The following ANK2 variants were observed in gnomAD, a reference collection of about 807,000 sequenced individuals.
The protein encoded by ANK2 is ankyrin-2.
ANK2 carries 83 observed loss-of-function variants against 360.5 expected under a neutral mutation model. The ratio of observed to expected loss-of-function variants is 0.23; its 90% CI spans 0.19 to 0.28. The LOEUF is 0.28. Among genes scored for constraint, ANK2 ranks in the 10% least tolerant of loss-of-function variants. The probability of loss-of-function intolerance (pLI) is 1.00; values close to 1 mark genes in which losing one functional copy is unlikely to be tolerated. For missense variants in ANK2, 4,201 were observed against 4,795.7 expected (o/e 0.88, Z 3.66); for synonymous variants, 1,740 against 1,759.5 (o/e 0.99, Z 0.28).
Position 113,025,011 on chromosome 4 carries a change from T to C in ANK2, c.21+120497T>C, listed in dbSNP as rs1273616708. Among the ~76,000 whole-genome samples, 11 of 152,160 alleles carry C rather than the reference T, an allele frequency of 7.2e-5. No individual in the cohort carries two copies. The East Asian group carries it at 2.1e-3, about 29-fold the overall frequency. ...TTGTAGGATACCATTGATTCATTAC[T>C]CTAGGAGTTTTCTTTTCCACTACAA... On this transcript the variant is annotated intron_variant, in intron 2 of 30. Transcript: ENST00000503271.
chr4:112,867,018 GCT>G (rs1236193517), intron 1 of ANK2, among the ~76,000 whole-genome samples: 1 of 151,944 alleles, frequency 6.6e-6, no homozygotes, highest in African/African-American at 2.4e-5. Context: ...CTCATGCAGT[GCT>G]CTGTTTCTAG....
chr4:112,723,818 T>C, the ANK2 span, among the ~76,000 whole-genome samples: 1 of 152,114 alleles, frequency 6.6e-6, no homozygotes, highest in Admixed American at 6.6e-5. Context: ...AACAAACAAA[T>C]ATGGTTCTTG....
chr4:113,358,747 C>A lies in ANK2; in HGVS notation c.10129C>A (p.Gln3377Lys). ...CCAGAAGACAGTGGCTCCTCAGGGACAGGACATGGCAAGCATCGCACCAGA... is the reference window on the plus strand; with the variant it reads ...CCAGAAGACAGTGGCTCCTCAGGGAAAGGACATGGCAAGCATCGCACCAGA... ...SVQKTVAPQG[Q>K]DMASIAPDNR... The change falls in exon 38 of 46, where the codon CAG (glutamine) becomes AAG (lysine). Residue 3377 changes from glutamine (Q) to lysine (K), a missense_variant. Gln to Lys is a moderately conservative substitution (Grantham distance 53). This residue lies in a region of ANK2 where 2,642 missense variants were observed against 2,714.5 expected (regional missense o/e 0.97). Coordinates refer to ENST00000357077, the MANE Select transcript of ANK2 (RefSeq NM_001148.6). The A allele has an allele frequency of 6.2e-7, 1 of 1,614,102 alleles. No homozygotes were observed. The highest frequency in any genetic ancestry group is 8.5e-7 in the Non-Finnish European group (1 of 1,179,960).
At chr4:112,923,374 G>A (rs983785357) in intron 2 of ANK2, among the ~76,000 whole-genome samples, 2 of 151,618 alleles carry the variant, frequency 1.3e-5, no homozygotes, top group Admixed American at 6.6e-5. Context: ...TAACTAAAAT[G>A]TTAAGCTCTA....
At chr4:112,783,717 T>C in the ANK2 span, among the ~76,000 whole-genome samples, 1 of 151,780 alleles carries the variant, frequency 6.6e-6, no homozygotes, top group African/African-American at 2.4e-5. Flanking sequence ...AGTGGCGCGA[T>C]CGGCTCACTG....
At chr4:112,766,288 T>C in the ANK2 span, among the ~76,000 whole-genome samples, 1 of 151,060 alleles carries the variant, frequency 6.6e-6, no homozygotes, top group Admixed American at 6.6e-5. Context: ...ACCACTGCAC[T>C]CCAGCCTGGC....
chr4:112,813,748 C>T (rs2055460619), upstream of ANK2, among the ~76,000 whole-genome samples: 2 of 152,140 alleles, frequency 1.3e-5, no homozygotes, highest in Non-Finnish European at 2.9e-5. Context: ...GTTGCCTAGG[C>T]TGGTCTCAAA....
intron 1 of ANK2, chr4:112,826,513 C>G (rs2058437830): frequency 8.1e-7 from 1 of 1,231,546 alleles, no homozygotes; most frequent in Non-Finnish European, 1.2e-6. Flanking sequence ...TCTGACAAGC[C>G]TGTTATTGGC....
At chr4:112,913,134 T>C (rs2088322516) in intron 2 of ANK2, among the ~76,000 whole-genome samples, 1 of 152,178 alleles carries the variant, frequency 6.6e-6, no homozygotes, top group African/African-American at 2.4e-5. Flanking sequence ...TTCATATCTA[T>C]TGTTGCTAGG....
rs1027649440 is a variant in ANK2, at chr4:113,151,282, C to G, written c.85-23134C>G. The G allele has an allele frequency of 3.7e-5, 18 of 487,830 alleles. 1 individual carries two copies. The South Asian group carries it at 3.8e-4, about 10-fold the overall frequency. The allele number at this position is 487,830 out of a possible 1,614,324, so 30.2% of individuals were successfully genotyped here. A position where few individuals can be genotyped will look rare whatever the true frequency, so the allele number is the denominator to read the frequency against. On this transcript the variant is annotated intron_variant, in intron 1 of 45. Transcript: ENST00000357077. ...ATTTGTGTAGCTACAAAAGAATACC[C>G]GAAGCTGGGTAATTTATAAAGAAAA... is the stretch of plus-strand genomic sequence containing the variant.
the ANK2 span, among the ~76,000 whole-genome samples, chr4:112,778,844 C>T: frequency 4.6e-5 from 7 of 152,154 alleles, no homozygotes; most frequent in African/African-American, 7.2e-5. Flanking sequence ...TGGGGGAAAT[C>T]GAATGTGTAA....
At chr4:113,251,626 G>T (rs1346647904) in intron 10 of ANK2, among the ~76,000 whole-genome samples, 2 of 151,664 alleles carry the variant, frequency 1.3e-5, no homozygotes, top group Non-Finnish European at 2.9e-5. Context: ...GGAACTACAG[G>T]CGCCCACCAC....
At chr4:113,229,573 G>T (rs151045104) in intron 4 of ANK2, among the ~76,000 whole-genome samples, 1 of 152,286 alleles carries the variant, frequency 6.6e-6, no homozygotes, top group Non-Finnish European at 1.5e-5. Flanking sequence ...CTCCCAAAGG[G>T]TGTGCCTACC....
intron 2 of ANK2, among the ~76,000 whole-genome samples, chr4:112,987,666 G>A (rs2045393113): frequency 6.6e-6 from 1 of 151,888 alleles, no homozygotes; most frequent in Non-Finnish European, 1.5e-5. Context: ...TAATTCAGGA[G>A]TATTTTTTCC....
At chr4:112,901,674 A>G (rs982253773) in intron 1 of ANK2, among the ~76,000 whole-genome samples, 4 of 152,036 alleles carry the variant, frequency 2.6e-5, no homozygotes, top group Non-Finnish European at 5.9e-5. Context: ...CAGCCTGACC[A>G]ACATGGTGAA....
rs2065883334 is a variant in ANK2, at chr4:113,357,200, T to C, written c.8582T>C (p.Leu2861Ser). Residue 2861 changes from leucine to serine, a missense_variant, in exon 38 of 46, where the codon TTA becomes TCA. Around this residue, in one of 4 missense-constraint regions of ANK2, gnomAD observed 2,642 missense variants for 2,714.5 expected, o/e 0.97. Transcript: ENST00000357077. ...PHCLVSEGKE[L>S]DEDISATSSI... ...TGTTTGGTATCTGAAGGAAAAGAAT[T>C]AGATGAAGACATATCTGCCACATCT... 1 of 1,613,984 alleles carries C rather than the reference T, an allele frequency of 6.2e-7. No individual in the cohort carries two copies. Among genetic ancestry groups the C allele is most frequent in the Admixed American group, 1.7e-5 (1 of 59,994 alleles).
chr4:113,040,195 G>A (rs1422434459), intron 2 of ANK2, among the ~76,000 whole-genome samples: 2 of 151,906 alleles, frequency 1.3e-5, no homozygotes, highest in African/African-American at 4.8e-5. Flanking sequence ...TGACCTAGCC[G>A]GGAGCATGTA....
chr4:113,146,845 T>A (rs1015986135), intron 1 of ANK2, among the ~76,000 whole-genome samples: 2 of 152,206 alleles, frequency 1.3e-5, no homozygotes, highest in African/African-American at 4.8e-5. Context: ...ACTATGAAAC[T>A]AAGATATGTA....
At chr4:112,808,555 G>A in the ANK2 span, among the ~76,000 whole-genome samples, 1 of 152,200 alleles carries the variant, frequency 6.6e-6, no homozygotes, top group Non-Finnish European at 1.5e-5. Context: ...TTGTAGGGAT[G>A]ATAATTCTTC....
Sources: allele counts gnomAD v4.1 joint callset (sites outside exome capture counted in the v4.1 genomes callset), GRCh38; gene constraint gnomAD v4.1.1; regional missense constraint gnomAD v4.1.1; transcripts MANE v1.5; gene names NCBI Gene and HGNC (gene_info 2026-07-23, HGNC 2026-07-21).